PER2: variants seen among roughly 807,000 people sequenced by gnomAD.
PER2 encodes period circadian protein homolog 2.
Under a neutral mutation model 121.0 loss-of-function variants are expected in PER2, and 66 were observed. The observed-to-expected ratio is 0.55, with a 90% CI of 0.45 to 0.67. The LOEUF is 0.67. Among genes scored for constraint, PER2 ranks in the 30% least tolerant of loss-of-function variants. PER2 has a pLI of 0.00. For missense variants in PER2, 1,521 were observed against 1,635.0 expected, an observed-to-expected ratio of 0.93 and a Z score of 1.20; for synonymous variants, 684 against 659.9, an observed-to-expected ratio of 1.04 and a Z score of -0.56.
Position 238,252,315 on chromosome 2 carries a change from G to A in PER2, c.3112-554C>T, listed in dbSNP as rs566549011. Among the ~76,000 whole-genome samples, 1 of 152,236 alleles carries A rather than the reference G, an allele frequency of 6.6e-6. No individual in the cohort carries two copies. Among genetic ancestry groups the A allele is most frequent in the Non-Finnish European group, 1.5e-5 (1 of 68,046 alleles). ...GGGAGCCCTAGGTCCTCTGGCCAAG[G>A]CAGGGAATCGCCTGAGGCCTACGGA... is the stretch of plus-strand genomic sequence containing the variant. On this transcript the variant is annotated intron_variant, in intron 19 of 22. Coordinates refer to ENST00000254657, the MANE Select transcript of PER2 (RefSeq NM_022817.3). This position sits in a 1 kb window ranked among gnomAD's most constrained non-coding sequence, Gnocchi z 4.2.
At chr2:238,248,480 T>G (rs896172289) in intron 22 of PER2, among the ~76,000 whole-genome samples, 2 of 150,990 alleles carry the variant, frequency 1.3e-5, no homozygotes, top group South Asian at 4.2e-4. Context: ...CAGGAGAGGG[T>G]TTTTTTTTGT....
At chr2:238,295,096 T>G (rs1697020469), upstream of PER2, among the ~76,000 whole-genome samples, 1 of 152,196 alleles carries the variant, frequency 6.6e-6, no homozygotes, top group Non-Finnish European at 1.5e-5. Context: ...ACAGAGTGTT[T>G]CCTTTGGTGT....
chr2:238,266,490 G>A (rs981343652), intron 8 of PER2, among the ~76,000 whole-genome samples: 1 of 152,108 alleles, frequency 6.6e-6, no homozygotes, highest in East Asian at 1.9e-4. Flanking sequence ...GACAAAGGTG[G>A]ACAAAGCTGA....
At chr2:238,290,674 C>T (rs1470519906), upstream of PER2, among the ~76,000 whole-genome samples, 1 of 152,094 alleles carries the variant, frequency 6.6e-6, no homozygotes, top group Non-Finnish European at 1.5e-5. Context: ...TTCTTCTTTC[C>T]TATTATTGGA....
chr2:238,268,135 G>A lies in PER2; in HGVS notation c.888C>T (p.Val296=), dbSNP rs922327328. 3 of 1,614,118 alleles carry A rather than the reference G, an allele frequency of 1.9e-6. No homozygotes were observed. Among genetic ancestry groups the A allele is most frequent in the Non-Finnish European group, 2.5e-6 (3 of 1,179,980 alleles). ...CAGCACCTTGTTGGTCCCGCACCTT[G>A]ACCAGGTAGGGCGTCATGCGGAAGG... is the stretch of plus-strand genomic sequence containing the variant. The part of the protein sequence containing the change: ...YHPFRMTPYL[V]KVRDQQGAES... Residue 296 remains valine (V), a synonymous_variant, in exon 8 of 23, where the codon GTC becomes GTT. Coordinates refer to ENST00000254657, the MANE Select transcript of PER2 (RefSeq NM_022817.3). The surrounding 1 kb of genome is among the most constrained non-coding windows in gnomAD (Gnocchi z 4.0).
At chr2:238,299,121 A>G in the PER2 span, 2 of 152,104 alleles carry the variant, frequency 1.3e-5, no homozygotes, top group East Asian at 3.8e-4. Context: ...TCTCTACTAA[A>G]AATACAAAAA....
chr2:238,246,555 C>T, intron 22 of PER2, 31 bp from the exon 23 acceptor site: 1 of 1,483,278 alleles, frequency 6.7e-7, no homozygotes, highest in South Asian at 1.1e-5. Flanking sequence ...AAATCAGTAA[C>T]AAACTTGAGA....
chr2:238,277,151 G>A lies in PER2; in HGVS notation c.273C>T (p.Asn91=), dbSNP rs200357804. Residue 91 remains asparagine, a synonymous_variant, in exon 3 of 23, where the codon AAC becomes AAT. Coordinates refer to ENST00000254657, the MANE Select transcript of PER2 (RefSeq NM_022817.3). ...CTTACCTGCAGCCACTTGTAGATGGGTTGTGTTCAGATTTTGCCATCATCA... is the reference window on the plus strand; with the variant it reads ...CTTACCTGCAGCCACTTGTAGATGGATTGTGTTCAGATTTTGCCATCATCA... ...FSLMMAKSEH[N]PSTSGCSSDQ... 1.9e-6 allele frequency: 3 copies of A among 1,612,978 alleles called. No individual in the cohort carries two copies. Among genetic ancestry groups the A allele is most frequent in the Non-Finnish European group, 2.5e-6 (3 of 1,178,954 alleles).
intron 1 of PER2, among the ~76,000 whole-genome samples, chr2:238,278,887 C>T (rs150293789): frequency 4.6e-5 from 7 of 152,300 alleles, no homozygotes; most frequent in South Asian, 2.1e-4. Flanking sequence ...TGCTGAGGCA[C>T]TCTGAGTGCC....
At chr2:238,271,267 T>C in intron 6 of PER2, 45 bp downstream of exon 6, 1 of 1,567,404 alleles carries the variant, frequency 6.4e-7, no homozygotes, top group Non-Finnish European at 8.8e-7. Flanking sequence ...TCCTGGCCCC[T>C]TTCCCGACCC....
intron 20 of PER2, among the ~76,000 whole-genome samples, chr2:238,251,045 G>A (rs1695583432): frequency 6.6e-6 from 1 of 152,136 alleles, no homozygotes; most frequent in African/African-American, 2.4e-5. Flanking sequence ...CTCCACTCAT[G>A]TGGACCACAG....
the PER2 span, among the ~76,000 whole-genome samples, chr2:238,297,987 A>G: frequency 8.2e-6 from 1 of 122,096 alleles, no homozygotes; most frequent in African/African-American, 3.1e-5. Flanking sequence ...TTTTTTCTCC[A>G]CTCTCCCTGC....
chr2:238,298,047 T>TG, the PER2 span, among the ~76,000 whole-genome samples: 3 of 150,934 alleles, frequency 2.0e-5, no homozygotes, highest in Non-Finnish European at 4.4e-5. Flanking sequence ...TTTTTTTTTT[T>TG]TGTGATACGG....
At chr2:238,275,713 G>T in intron 4 of PER2, 30 bp downstream of exon 4, 1 of 1,606,136 alleles carries the variant, frequency 6.2e-7, no homozygotes, top group Non-Finnish European at 8.5e-7. Context: ...ATTTCTATAG[G>T]TTTGGAGCAG....
chr2:238,289,158 T>A (rs1696891595), upstream of PER2: 1 of 152,008 alleles, frequency 6.6e-6, no homozygotes, highest in East Asian at 1.9e-4. Flanking sequence ...CCGGCCGGCC[T>A]GGCAGACCCG....
chr2:238,258,321 T>C lies in PER2; in HGVS notation c.1855A>G (p.Ser619Gly), dbSNP rs905031885. 31 of 1,614,236 alleles carry C rather than the reference T, an allele frequency of 1.9e-5. No homozygotes were observed. Among genetic ancestry groups the C allele is most frequent in the Non-Finnish European group, 2.6e-5 (31 of 1,180,048 alleles). Residue 619 changes from serine to glycine, a missense_variant, in exon 16 of 23, where the codon AGT (serine) becomes GGT (glycine). Transcript: ENST00000254657. Reference sequence around the variant, plus strand: ...CTGACTGTGGCCTTCCGCTTATCACTGGACCTTAGCGCTGGGACGTTTGCT... The same window carrying C: ...CTGACTGTGGCCTTCCGCTTATCACCGGACCTTAGCGCTGGGACGTTTGCT... ...FPANVPALRS[S>G]DKRKATVSPG... is the part of the protein sequence containing the mutation.
chr2:238,253,819 A>T lies in PER2; in HGVS notation c.2321-117T>A, dbSNP rs140300785. 690 of 808,338 alleles carry T rather than the reference A, an allele frequency of 8.5e-4. No homozygotes were observed. Among genetic ancestry groups the T allele is most frequent in the Non-Finnish European group, 1.3e-3 (645 of 487,830 alleles). The allele number at this position is 808,338 out of a possible 1,614,324, so 50.1% of individuals were successfully genotyped here. A position where few individuals can be genotyped will look rare whatever the true frequency, so the allele number is the denominator to read the frequency against. ...GGCCCAGGGCCTGCCTGGTCCACCG[A>T]GCGGTTTTCCCTGATCCTCAGTGAA... On this transcript the variant is annotated intron_variant, in intron 18 of 22. Coordinates refer to ENST00000254657, the MANE Select transcript of PER2 (RefSeq NM_022817.3). This position sits in a 1 kb window ranked among gnomAD's most constrained non-coding sequence, Gnocchi z 5.6.
Position 238,267,633 on chromosome 2 carries a change from T to C in PER2, c.967+423A>G, listed in dbSNP as rs1057249970. On this transcript the variant is annotated intron_variant, in intron 8 of 22. Transcript: ENST00000254657. ...TCATTTCTTGGGGACTGAGGAACTG[T>C]TTGGGGTTCTGGAGCAGGCAGCGAC... Among the ~76,000 whole-genome samples, 12 of 151,932 alleles carry C rather than the reference T, an allele frequency of 7.9e-5. 1 individual carries two copies. Among genetic ancestry groups the C allele is most frequent in the African/African-American group, 2.9e-4 (12 of 41,434 alleles).
In PER2 at chr2:238,277,203, C is replaced by CA; in HGVS notation, c.231-11dup. The CA allele has an allele frequency of 6.2e-7, 1 of 1,605,808 alleles. No individual in the cohort carries two copies. ...GCTAAAGGTATCTGGACTATGAAAA[C>CA]AAAAAATAAAAGCAAAATTTAGACA... is the stretch of plus-strand genomic sequence containing the variant. On this transcript the variant is annotated splice_polypyrimidine_tract_variant and intron_variant, in intron 2 of 22. Transcript: ENST00000254657.
Sources: gnomAD v4.1 joint callset for allele counts (sites outside exome capture counted in the v4.1 genomes callset) on GRCh38, gnomAD v4.1.1 for gene constraint, Gnocchi (gnomAD v3.1) non-coding constraint, MANE v1.5 for transcripts, NCBI Gene and HGNC (gene_info 2026-07-23, HGNC 2026-07-21) for gene names.